Variants in PCDHA9 observed in about 807,000 individuals in gnomAD.
PCDHA9 encodes protocadherin alpha-9.
In PCDHA9, 62 loss-of-function variants were observed where a neutral mutation model predicts 62.0. That is an observed-to-expected ratio of 1.00 (90% CI 0.81 to 1.23). The LOEUF (loss-of-function observed/expected upper bound fraction) is 1.23. PCDHA9 is among the 50% of genes most tolerant of loss of function. The pLI, the probability that PCDHA9 is intolerant of heterozygous loss-of-function variation, is 0.00. For missense variants in PCDHA9, 1,205 were observed against 1,249.8 expected (o/e 0.96, Z 0.54); for synonymous variants, 557 against 567.6 (o/e 0.98, Z 0.27).
At position 141,010,158 on chromosome 5, in the gene PCDHA9, GT is replaced by G. The variant is rs1563735803; in HGVS notation, c.*225del. 1.3e-6 allele frequency: 2 copies of G among 1,570,690 alleles called. No homozygotes were observed. The highest frequency in any genetic ancestry group is 1.7e-6 in the Non-Finnish European group (2 of 1,156,884). ...TAACTCTTTCTCTCCACTCTGGCTT[GT>G]TTTCAGAACCTAAAAAGCAGACCCA... On this transcript the variant is annotated 3_prime_UTR_variant, in exon 4 of 4. Coordinates refer to ENST00000532602, the MANE Select transcript of PCDHA9 (RefSeq NM_031857.2).
intron 1 of PCDHA9, chr5:140,853,462 C>A: frequency 1.0e-6 from 1 of 971,970 alleles, no homozygotes; most frequent in Non-Finnish European, 1.2e-6. Context: ...TCCTTATATG[C>A]ATCTGTAGTT....
intron 1 of PCDHA9, among the ~76,000 whole-genome samples, chr5:140,924,989 C>T (rs782768303): frequency 7.9e-5 from 12 of 151,328 alleles, no homozygotes; most frequent in Admixed American, 1.3e-4. Context: ...GTCTGTAATC[C>T]TAGCACTTTA....
At chr5:140,888,700 T>C (rs534278841) in intron 1 of PCDHA9, among the ~76,000 whole-genome samples, 2 of 152,274 alleles carry the variant, frequency 1.3e-5, no homozygotes, top group Non-Finnish European at 2.9e-5. Flanking sequence ...CTCTGATTGG[T>C]AGGAATGTGA....
At chr5:140,876,577 A>G (rs1554168681) in intron 1 of PCDHA9, 2 of 1,614,182 alleles carry the variant, frequency 1.2e-6, no homozygotes, top group Non-Finnish European at 1.7e-6. Context: ...GGGTACCGTC[A>G]TTGCCCTGAT....
intron 1 of PCDHA9, chr5:140,857,093 G>T (rs1554149523): frequency 6.3e-7 from 1 of 1,597,336 alleles, no homozygotes; most frequent in Admixed American, 1.7e-5. Flanking sequence ...TTCACCTGAG[G>T]TGATTGTCAC....
Position 140,910,416 on chromosome 5 carries a change from A to G in PCDHA9, c.2394+59527A>G, listed in dbSNP as rs191093101. Among the ~76,000 whole-genome samples, 67 of 152,280 alleles carry G rather than the reference A, an allele frequency of 4.4e-4. No individual in the cohort carries two copies. In the East Asian group the frequency reaches 0.013, roughly 28 times the overall value. ...CTGGCCCCTGCCACCTCGAGATCCAATTATTCCCATTGCATTTAAGTTTTG... is the reference window on the plus strand; with the variant it reads ...CTGGCCCCTGCCACCTCGAGATCCAGTTATTCCCATTGCATTTAAGTTTTG... On this transcript the variant is annotated intron_variant, in intron 1 of 3. Coordinates refer to ENST00000532602, the MANE Select transcript of PCDHA9 (RefSeq NM_031857.2).
intron 3 of PCDHA9, 115 bp downstream of exon 3, chr5:140,982,678 C>G: frequency 6.9e-7 from 1 of 1,438,900 alleles, no homozygotes; most frequent in East Asian, 2.5e-5. Context: ...TTTGTTATTC[C>G]CTTTTTTCCA....
intron 1 of PCDHA9, among the ~76,000 whole-genome samples, chr5:140,951,543 C>A (rs246041): frequency 1.3e-5 from 2 of 151,428 alleles, no homozygotes; most frequent in South Asian, 2.1e-4. Flanking sequence ...GAGCAAGGGA[C>A]GGGGGGAAGT....
At chr5:141,009,476 C>T in intron 3 of PCDHA9, 151 bp from the exon 4 acceptor site, 4 of 1,420,154 alleles carry the variant, frequency 2.8e-6, no homozygotes, top group Non-Finnish European at 2.8e-6. Flanking sequence ...AATAAGTAAA[C>T]ACTTGCCTTG....
intron 1 of PCDHA9, among the ~76,000 whole-genome samples, chr5:140,880,884 G>A (rs540368068): frequency 2.0e-5 from 3 of 152,304 alleles, no homozygotes; most frequent in South Asian, 4.1e-4. Flanking sequence ...ATAAAGAAAT[G>A]TAGGGCCAGA....
intron 1 of PCDHA9, among the ~76,000 whole-genome samples, chr5:140,880,234 G>T (rs560785672): frequency 1.8e-4 from 28 of 152,250 alleles, no homozygotes; most frequent in Non-Finnish European, 2.8e-4. Context: ...TTAAATTAGT[G>T]TATGTGCGTG....
chr5:140,941,207 C>CTTCCTTTCTTTCTT (rs1563185091), intron 1 of PCDHA9, among the ~76,000 whole-genome samples: 2 of 103,272 alleles, frequency 1.9e-5, no homozygotes, highest in African/African-American at 1.2e-4. Flanking sequence ...TTCTTCCTTT[C>CTTCCTTTCTTTCTT]TTTCTTCCTT....
intron 3 of PCDHA9, among the ~76,000 whole-genome samples, chr5:140,997,576 G>A (rs528258685): frequency 5.9e-5 from 9 of 152,166 alleles, no homozygotes; most frequent in African/African-American, 2.4e-5. Flanking sequence ...TGTGTGGTCC[G>A]TTGTTGACTG....
At chr5:140,966,914 G>C in intron 1 of PCDHA9, 2 of 1,602,270 alleles carry the variant, frequency 1.2e-6, no homozygotes, top group Non-Finnish European at 1.7e-6. Flanking sequence ...CTCTGTGCCA[G>C]AGGAGCAGGC....
At chr5:140,877,272 C>T in intron 1 of PCDHA9, 3 of 1,613,832 alleles carry the variant, frequency 1.9e-6, no homozygotes, top group Non-Finnish European at 2.5e-6. Flanking sequence ...TGGACGCTGA[C>T]TCCGGCTATA....
At chr5:140,898,383 G>A (rs1416953064) in intron 1 of PCDHA9, among the ~76,000 whole-genome samples, 1 of 152,164 alleles carries the variant, frequency 6.6e-6, no homozygotes, top group South Asian at 2.1e-4. Flanking sequence ...GTAAGGAAGG[G>A]ATCCAGTTTC....
chr5:140,967,769 G>A (rs1213232834), intron 1 of PCDHA9: 1 of 1,614,104 alleles, frequency 6.2e-7, no homozygotes, highest in Non-Finnish European at 8.5e-7. Flanking sequence ...CCAGATCTAT[G>A]TGCAGGCGAC....
At chr5:140,975,849 A>G (rs1157741908) in intron 1 of PCDHA9, among the ~76,000 whole-genome samples, 1 of 152,208 alleles carries the variant, frequency 6.6e-6, no homozygotes, top group Non-Finnish European at 1.5e-5. Flanking sequence ...CAGTAATACT[A>G]CATCACCCAT....
chr5:140,882,070 CA>C, intron 1 of PCDHA9: 1 of 854,288 alleles, frequency 1.2e-6, no homozygotes, highest in Non-Finnish European at 1.8e-6. Flanking sequence ...CGTTCATGCG[CA>C]TGGTGTCGCT....
Sources: gnomAD v4.1 joint callset for allele counts (sites outside exome capture counted in the v4.1 genomes callset) on GRCh38, gnomAD v4.1.1 for gene constraint, MANE v1.5 for transcripts, NCBI Gene and HGNC (gene_info 2026-07-23, HGNC 2026-07-21) for gene names.